Variants in ROBO2 observed in about 807,000 individuals in gnomAD.
ROBO2 encodes the protein roundabout homolog 2.
A neutral mutation model predicts 160.8 loss-of-function variants in ROBO2; 53 were observed. That is an observed-to-expected ratio of 0.33 (90% CI 0.26 to 0.41). ROBO2 has a LOEUF of 0.41. Ranked by LOEUF, ROBO2 falls within the 10% of genes least tolerant of loss-of-function variation. The pLI, the probability that ROBO2 is intolerant of heterozygous loss-of-function variation, is 1.00. For synonymous variants in ROBO2, 664 were observed against 611.7 expected (o/e 1.09, Z -1.26); for missense variants, 1,577 against 1,722.4 (o/e 0.92, Z 1.49).
chr3:77,105,618 G>A (rs150361937), intron 2 of ROBO2, among the ~76,000 whole-genome samples: 4 of 152,244 alleles, frequency 2.6e-5, no homozygotes, highest in East Asian at 1.9e-4. Flanking sequence ...CCTGGGGAAC[G>A]TGTATGAATT....
chr3:77,324,395 C>T (rs2065138365), intron 2 of ROBO2, among the ~76,000 whole-genome samples: 1 of 152,072 alleles, frequency 6.6e-6, no homozygotes, highest in Non-Finnish European at 1.5e-5. Context: ...TGTGACCTGC[C>T]AACATATTCC....
chr3:76,958,542 T>C (rs1012169822), intron 2 of ROBO2, among the ~76,000 whole-genome samples: 2 of 152,252 alleles, frequency 1.3e-5, no homozygotes, highest in Non-Finnish European at 2.9e-5. Context: ...CTTACATTGC[T>C]TGTGAATTCC....
chr3:76,864,701 T>A (rs1373414693), intron 2 of ROBO2, among the ~76,000 whole-genome samples: 4 of 152,102 alleles, frequency 2.6e-5, no homozygotes, highest in African/African-American at 9.7e-5. Flanking sequence ...TGTGTTTAAA[T>A]TTGACATCCG....
In ROBO2 at chr3:76,309,104, G is replaced by A. The variant is rs148627776; in HGVS notation, c.109+371502G>A. 1.5e-3 allele frequency among the ~76,000 whole-genome samples: 226 copies of A among 152,170 alleles called. 1 individual carries two copies. Among genetic ancestry groups the A allele is most frequent in the African/African-American group, 5.3e-3 (218 of 41,508 alleles). ...CTGTGCTTTTTCTTTGAAGAGGGAT[G>A]GAGCCAGCGGAAAGTAAATGGGTTT... On this transcript the variant is annotated intron_variant, in intron 2 of 26. Transcript: ENST00000487694.
chr3:75,933,278 T>C (rs1293689586), intron 1 of ROBO2, among the ~76,000 whole-genome samples: 1 of 152,234 alleles, frequency 6.6e-6, no homozygotes, highest in African/African-American at 2.4e-5. Context: ...TGCTGTAATA[T>C]GCTAAGAAGA....
chr3:76,215,721 G>A (rs908441846), intron 2 of ROBO2, among the ~76,000 whole-genome samples: 3 of 152,198 alleles, frequency 2.0e-5, no homozygotes, highest in Non-Finnish European at 4.4e-5. Flanking sequence ...ATGGAACCAA[G>A]TTGGAAAACT....
At chr3:76,226,710 T>C (rs987732887) in intron 2 of ROBO2, among the ~76,000 whole-genome samples, 1 of 152,214 alleles carries the variant, frequency 6.6e-6, no homozygotes, top group Non-Finnish European at 1.5e-5. Context: ...TTTTTCTTAT[T>C]TTTATTCAGT....
intron 2 of ROBO2, among the ~76,000 whole-genome samples, chr3:76,839,515 C>A (rs1422193377): frequency 6.6e-6 from 1 of 152,082 alleles, no homozygotes; most frequent in Non-Finnish European, 1.5e-5. Context: ...GAGATGAATC[C>A]CATTTGGTCA....
At chr3:77,151,440 C>T (rs1364575662) in intron 2 of ROBO2, among the ~76,000 whole-genome samples, 3 of 152,044 alleles carry the variant, frequency 2.0e-5, no homozygotes, top group Non-Finnish European at 4.4e-5. Flanking sequence ...AAGTTTTTCT[C>T]CTGTATTTTT....
intron 2 of ROBO2, among the ~76,000 whole-genome samples, chr3:76,120,626 A>G (rs951245267): frequency 2.6e-5 from 4 of 152,178 alleles, no homozygotes; most frequent in Admixed American, 6.6e-5. Flanking sequence ...GGACCACTCT[A>G]CTTTAAAGAT....
At chr3:77,250,409 C>T (rs2090200022) in intron 2 of ROBO2, among the ~76,000 whole-genome samples, 1 of 152,130 alleles carries the variant, frequency 6.6e-6, no homozygotes, top group Admixed American at 6.6e-5. Flanking sequence ...ATGGAAATGC[C>T]TTTTCCCTTC....
intron 2 of ROBO2, among the ~76,000 whole-genome samples, chr3:77,407,068 C>T (rs2076314202): frequency 6.6e-6 from 1 of 152,104 alleles, no homozygotes; most frequent in African/African-American, 2.4e-5. Flanking sequence ...TCAAGCAAAC[C>T]TGCTGCCTTG....
intron 2 of ROBO2, among the ~76,000 whole-genome samples, chr3:76,142,534 T>C (rs1439347839): frequency 6.6e-6 from 1 of 152,012 alleles, no homozygotes; most frequent in African/African-American, 2.4e-5. Flanking sequence ...CTGGAGATCA[T>C]TATGTCAAGT....
chr3:77,165,959 T>G (rs983256056), intron 2 of ROBO2, among the ~76,000 whole-genome samples: 1 of 152,248 alleles, frequency 6.6e-6, no homozygotes, highest in Non-Finnish European at 1.5e-5. Context: ...TTGTTACTAT[T>G]TTGCTGAAGT....
chr3:77,515,012 T>G (rs2089855264), intron 5 of ROBO2, among the ~76,000 whole-genome samples: 1 of 151,754 alleles, frequency 6.6e-6, no homozygotes, highest in Non-Finnish European at 1.5e-5. Context: ...CTTTGTCATG[T>G]TTTGCTTCAG....
intron 2 of ROBO2, among the ~76,000 whole-genome samples, chr3:76,492,433 G>T (rs2079882249): frequency 1.3e-5 from 2 of 152,064 alleles, no homozygotes; most frequent in Admixed American, 1.3e-4. Context: ...TTCTAGGGCA[G>T]CATTAAAAAT....
intron 2 of ROBO2, among the ~76,000 whole-genome samples, chr3:76,485,180 T>G (rs9819780): frequency 0.54 from 81,625 of 151,640 alleles, 22,195 homozygotes; most frequent in East Asian, 0.63. Flanking sequence ...AAGTATACAA[T>G]TCTCATAATG....
intron 2 of ROBO2, among the ~76,000 whole-genome samples, chr3:76,621,510 A>G (rs1249623850): frequency 6.6e-6 from 1 of 152,232 alleles, no homozygotes; most frequent in African/African-American, 2.4e-5. Flanking sequence ...ATGACCTATT[A>G]AGAACTACTG....
chr3:77,334,421 T>C (rs1440687224), intron 2 of ROBO2, among the ~76,000 whole-genome samples: 1 of 152,246 alleles, frequency 6.6e-6, no homozygotes, highest in African/African-American at 2.4e-5. Context: ...CCATTAAACG[T>C]CTGCTATAGT....
Sources: gnomAD v4.1 joint callset for allele counts (sites outside exome capture counted in the v4.1 genomes callset) on GRCh38, gnomAD v4.1.1 for gene constraint, MANE v1.5 for transcripts, NCBI Gene and HGNC (gene_info 2026-07-23, HGNC 2026-07-21) for gene names.